The following TBC1D14 variants were observed in gnomAD, a reference collection of about 807,000 sequenced individuals.
TBC1D14 encodes the protein TBC1 domain family member 14.
In TBC1D14, 26 loss-of-function variants were observed where a neutral mutation model predicts 79.0. The ratio of observed to expected loss-of-function variants is 0.33; its 90% CI spans 0.24 to 0.46. The LOEUF (loss-of-function observed/expected upper bound fraction) is 0.46, where lower values mean the gene tolerates loss of function less well. Among genes scored for constraint, TBC1D14 ranks in the 20% least tolerant of loss-of-function variants. The pLI is 1.00. For synonymous variants in TBC1D14, 394 were observed against 349.9 expected (o/e 1.13, Z -1.40); for missense variants, 769 against 887.6 (o/e 0.87, Z 1.70).
At chr4:6,931,765 C>G (rs1354071447) in intron 2 of TBC1D14, among the ~76,000 whole-genome samples, 1 of 150,598 alleles carries the variant, frequency 6.6e-6, no homozygotes, top group Admixed American at 6.7e-5. Context: ...TGTTTCTCAT[C>G]ATACATTCTT....
intron 3 of TBC1D14, among the ~76,000 whole-genome samples, chr4:6,991,404 C>T (rs759181882): frequency 6.6e-6 from 1 of 152,188 alleles, no homozygotes; most frequent in African/African-American, 2.4e-5. Context: ...CCGGGTAAGT[C>T]ACGGACACCT....
chr4:6,996,116 G>A (rs950534623), intron 4 of TBC1D14, among the ~76,000 whole-genome samples: 1 of 152,228 alleles, frequency 6.6e-6, no homozygotes, highest in African/African-American at 2.4e-5. Flanking sequence ...GATTGCAGGC[G>A]TGAGCCACAT....
chr4:6,990,001 CTT>C (rs1245676566), intron 3 of TBC1D14, among the ~76,000 whole-genome samples: 2 of 152,234 alleles, frequency 1.3e-5, no homozygotes, highest in Non-Finnish European at 2.9e-5. Context: ...CAGTTAGACA[CTT>C]TAAATTGAGA....
At chr4:6,936,313 C>G (rs1712323900) in intron 2 of TBC1D14, among the ~76,000 whole-genome samples, 1 of 152,230 alleles carries the variant, frequency 6.6e-6, no homozygotes, top group African/African-American at 2.4e-5. Context: ...ACCTGTCCGT[C>G]TCTCTTTTTC....
intron 12 of TBC1D14, among the ~76,000 whole-genome samples, chr4:7,021,069 C>G (rs1239362215): frequency 6.6e-6 from 1 of 152,186 alleles, no homozygotes; most frequent in Non-Finnish European, 1.5e-5. Context: ...TCCTCCTTCA[C>G]GACAGCCCTG....
rs755655147 is a variant in TBC1D14, at chr4:7,010,844, C to T, written c.1647+63C>T. ...CTTTAAATGTCAAGAGTTGCTTACT[C>T]GTCTGTGTTTTCGGTGGAAAAAAAG... On this transcript the variant is annotated intron_variant, in intron 11 of 13. Coordinates refer to ENST00000409757, the MANE Select transcript of TBC1D14 (RefSeq NM_020773.3). 42 of 1,543,584 alleles carry T rather than the reference C, an allele frequency of 2.7e-5. 1 individual carries two copies. In the East Asian group the frequency reaches 5.3e-4, roughly 20 times the overall value.
At position 6,999,107 on chromosome 4, in the gene TBC1D14, G is replaced by A. The variant is rs764323260; in HGVS notation, c.1068G>A (p.Arg356=). The A allele has an allele frequency of 1.2e-6, 2 of 1,614,082 alleles. No individual in the cohort carries two copies. Among genetic ancestry groups the A allele is most frequent in the East Asian group, 2.2e-5 (1 of 44,898 alleles). ...TAGAGCTGAAAGAAGCCCAGCGAAG[G>A]AAGAAGCAGCTGGAAGAAAGATGCA... The part of the protein sequence containing the change: ...KKRELKEAQR[R]KKQLEERCRV... Residue 356 remains arginine, a synonymous_variant, in exon 6 of 14, where the codon AGG becomes AGA. Coordinates refer to ENST00000409757, the MANE Select transcript of TBC1D14 (RefSeq NM_020773.3).
intron 9 of TBC1D14, chr4:7,007,459 G>T: frequency 9.7e-7 from 1 of 1,033,420 alleles, no homozygotes; most frequent in South Asian, 1.4e-5. Flanking sequence ...GTTTTTGCGG[G>T]GGCAGTTGTT....
intron 12 of TBC1D14, among the ~76,000 whole-genome samples, chr4:7,015,256 G>T (rs1721169938): frequency 6.6e-6 from 1 of 152,098 alleles, no homozygotes; most frequent in Non-Finnish European, 1.5e-5. Flanking sequence ...AGGCAGGAGA[G>T]CCTGGGAACA....
intron 2 of TBC1D14, among the ~76,000 whole-genome samples, chr4:6,944,360 A>G (rs747347580): frequency 1.1e-4 from 16 of 152,328 alleles, no homozygotes; most frequent in East Asian, 5.8e-4. Context: ...AGCAATAAGG[A>G]AATGGCTTTT....
chr4:6,964,938 C>T (rs774685032), intron 2 of TBC1D14, among the ~76,000 whole-genome samples: 5 of 152,112 alleles, frequency 3.3e-5, no homozygotes, highest in African/African-American at 4.8e-5. Context: ...CTTCTCTTTA[C>T]GTGTGATAGT....
chr4:6,937,021 G>A (rs375590201), intron 2 of TBC1D14, among the ~76,000 whole-genome samples: 12 of 152,104 alleles, frequency 7.9e-5, no homozygotes, highest in East Asian at 7.7e-4. Context: ...GGGTTCAAGC[G>A]ATTCTCCTGC....
chr4:6,981,806 A>G (rs541199185), intron 3 of TBC1D14, among the ~76,000 whole-genome samples: 9 of 152,350 alleles, frequency 5.9e-5, no homozygotes, highest in African/African-American at 2.2e-4. Context: ...AAAGCATTTG[A>G]TAGAATTCAG....
At chr4:6,968,766 C>G (rs1715948851) in intron 3 of TBC1D14, among the ~76,000 whole-genome samples, 1 of 152,076 alleles carries the variant, frequency 6.6e-6, no homozygotes, top group Non-Finnish European at 1.5e-5. Flanking sequence ...CCTCCAACCC[C>G]AAGGCTTTGC....
At chr4:7,011,424 G>A (rs991371474) in intron 11 of TBC1D14, among the ~76,000 whole-genome samples, 24 of 152,256 alleles carry the variant, frequency 1.6e-4, no homozygotes, top group Middle Eastern at 3.4e-3. Flanking sequence ...GAAGGGACTC[G>A]TTCAAGGCAT....
At chr4:7,022,789 AT>A (rs1302960158) in intron 12 of TBC1D14, among the ~76,000 whole-genome samples, 2 of 152,054 alleles carry the variant, frequency 1.3e-5, no homozygotes, top group Non-Finnish European at 2.9e-5. Context: ...AGAGTAACTT[AT>A]GGAGACTCAC....
intron 12 of TBC1D14, among the ~76,000 whole-genome samples, chr4:7,017,751 G>T (rs1248272251): frequency 6.6e-6 from 1 of 152,174 alleles, no homozygotes; most frequent in East Asian, 1.9e-4. Flanking sequence ...GTCTGTTTTC[G>T]CAGTTCCAGT....
intron 2 of TBC1D14, among the ~76,000 whole-genome samples, chr4:6,947,497 CA>C (rs35832243): frequency 0.74 from 102,889 of 139,828 alleles, 38,217 homozygotes; most frequent in East Asian, 0.96. Context: ...GACCCTGTCT[CA>C]AAAAAAAAAA....
intron 3 of TBC1D14, among the ~76,000 whole-genome samples, chr4:6,974,808 A>G (rs1716564587): frequency 6.6e-6 from 1 of 151,610 alleles, no homozygotes; most frequent in Non-Finnish European, 1.5e-5. Flanking sequence ...TTGGCTTAAG[A>G]ACTAGAATCA....
Sources: gnomAD v4.1 joint callset for allele counts (sites outside exome capture counted in the v4.1 genomes callset) on GRCh38, gnomAD v4.1.1 for gene constraint, MANE v1.5 for transcripts, NCBI Gene and HGNC (gene_info 2026-07-23, HGNC 2026-07-21) for gene names.